ADRA1B: variants seen among roughly 807,000 people sequenced by gnomAD.
ADRA1B encodes adrenoceptor alpha 1B, also known as alpha-1B adrenergic receptor.
In ADRA1B, 17 loss-of-function variants were observed where a neutral mutation model predicts 17.9. That is an observed-to-expected ratio of 0.95 (90% CI 0.65 to 1.42). The LOEUF (loss-of-function observed/expected upper bound fraction) is 1.42. Among genes scored for constraint, ADRA1B ranks in the 40% most tolerant of loss-of-function variants. The pLI is 0.00. For missense variants in ADRA1B, 681 were observed against 722.1 expected, an observed-to-expected ratio of 0.94 and a Z score of 0.65; for synonymous variants, 366 against 327.6, an observed-to-expected ratio of 1.12 and a Z score of -1.27.
intron 1 of ADRA1B, among the ~76,000 whole-genome samples, chr5:159,890,614 G>A (rs1753972494): frequency 6.6e-6 from 1 of 152,152 alleles, no homozygotes. Context: ...CTCTTGGCTG[G>A]GGGCCTAGCA....
intron 1 of ADRA1B, among the ~76,000 whole-genome samples, chr5:159,954,656 A>G (rs77880832): frequency 0.028 from 4,293 of 152,226 alleles, 197 homozygotes; most frequent in African/African-American, 0.097. Context: ...CCTGCCCTAC[A>G]ACAGGAATCG....
chr5:159,911,822 G>A (rs954536267), upstream of ADRA1B, among the ~76,000 whole-genome samples: 4 of 151,862 alleles, frequency 2.6e-5, no homozygotes, highest in African/African-American at 9.7e-5. Context: ...ATTCTTCTTC[G>A]AGTCCCCACA....
chr5:159,929,975 T>G (rs1445754150), intron 1 of ADRA1B, among the ~76,000 whole-genome samples: 1 of 152,206 alleles, frequency 6.6e-6, no homozygotes, highest in Non-Finnish European at 1.5e-5. Context: ...CGTGGTGTCA[T>G]TTTAGAAACA....
intron 1 of ADRA1B, among the ~76,000 whole-genome samples, chr5:159,959,501 C>T (rs1755624669): frequency 6.6e-6 from 1 of 152,130 alleles, no homozygotes; most frequent in South Asian, 2.1e-4. Flanking sequence ...AAGACAAACC[C>T]TTAAATAAGT....
chr5:159,923,656 T>C (rs1754554604), intron 1 of ADRA1B, among the ~76,000 whole-genome samples: 1 of 152,254 alleles, frequency 6.6e-6, no homozygotes, highest in Non-Finnish European at 1.5e-5. Flanking sequence ...ATAAGTCAAG[T>C]AGACAGAATG....
At position 159,926,394 on chromosome 5, in the gene ADRA1B, G is replaced by T. The variant is rs140329962; in HGVS notation, c.949+8540G>T. On this transcript the variant is annotated intron_variant, in intron 1 of 1. Transcript: ENST00000306675. ...AATATGGATGTGCACAACTTTTGCAGCACTGCCAGGCTGCAAACCTTTGCA... is the reference window on the plus strand; with the variant it reads ...AATATGGATGTGCACAACTTTTGCATCACTGCCAGGCTGCAAACCTTTGCA... 3.3e-3 allele frequency among the ~76,000 whole-genome samples: 495 copies of T among 152,214 alleles called. 3 individuals carry two copies. Among genetic ancestry groups the T allele is most frequent in the African/African-American group, 0.012 (483 of 41,540 alleles).
intron 1 of ADRA1B, among the ~76,000 whole-genome samples, chr5:159,886,311 C>T (rs948441375): frequency 6.6e-6 from 1 of 152,166 alleles, no homozygotes; most frequent in Non-Finnish European, 1.5e-5. Flanking sequence ...TTCTTCATTT[C>T]TGCCTTTTCA....
At position 159,884,167 on chromosome 5, in the gene ADRA1B, T is replaced by G. The variant is rs147930244; in HGVS notation, c.-256+18961T>G. Among the ~76,000 whole-genome samples, 53 of 152,354 alleles carry G rather than the reference T, an allele frequency of 3.5e-4. No individual in the cohort carries two copies. The East Asian group carries it at 0.01, about 29-fold the overall frequency. ...CTTAAGCTATGCTTCAGGATTGGGATGCAAAAAATAATTGATTGTCCCATG... is the reference window on the plus strand; with the variant it reads ...CTTAAGCTATGCTTCAGGATTGGGAGGCAAAAAATAATTGATTGTCCCATG... On this transcript the variant is annotated intron_variant, in intron 1 of 2. Transcript: ENST00000641205.
chr5:159,935,351 G>T (rs114440989), intron 1 of ADRA1B, among the ~76,000 whole-genome samples: 1 of 152,072 alleles, frequency 6.6e-6, no homozygotes, highest in African/African-American at 2.4e-5. Context: ...ATTCCAAAAA[G>T]TACAAAAGTA....
At chr5:159,968,379 GA>G (rs1755811962) in intron 1 of ADRA1B, among the ~76,000 whole-genome samples, 1 of 152,188 alleles carries the variant, frequency 6.6e-6, no homozygotes, top group African/African-American at 2.4e-5. Flanking sequence ...ACCTTTAAAA[GA>G]GCCAGTTTCT....
intron 1 of ADRA1B, among the ~76,000 whole-genome samples, chr5:159,879,329 A>G (rs1015694559): frequency 3.3e-5 from 5 of 152,262 alleles, no homozygotes; most frequent in African/African-American, 1.2e-4. Flanking sequence ...CTCTGGAGTG[A>G]CACAGCGCTT....
chr5:159,866,551 C>T (rs1264921213), intron 1 of ADRA1B, among the ~76,000 whole-genome samples: 2 of 148,978 alleles, frequency 1.3e-5, no homozygotes, highest in Non-Finnish European at 3.0e-5. Flanking sequence ...CGCGCCACTG[C>T]ATTACAGCCT....
intron 1 of ADRA1B, among the ~76,000 whole-genome samples, chr5:159,964,707 C>G (rs1028846852): frequency 6.6e-6 from 1 of 152,134 alleles, no homozygotes; most frequent in Non-Finnish European, 1.5e-5. Flanking sequence ...TCAGGAACCA[C>G]GTGGAGACCA....
At chr5:159,957,851 C>G (rs540213166) in intron 1 of ADRA1B, among the ~76,000 whole-genome samples, 2 of 148,292 alleles carry the variant, frequency 1.3e-5, no homozygotes, top group South Asian at 4.2e-4. Flanking sequence ...ATCACTTGAA[C>G]CCGGGAGGTG....
At chr5:159,907,463 G>T (rs1404970900) in intron 1 of ADRA1B, among the ~76,000 whole-genome samples, 6 of 151,570 alleles carry the variant, frequency 4.0e-5, no homozygotes, top group Non-Finnish European at 8.8e-5. Context: ...TTGTATTGTT[G>T]TTCTTTTACC....
intron 1 of ADRA1B, among the ~76,000 whole-genome samples, chr5:159,956,978 T>C (rs1382256500): frequency 6.6e-6 from 1 of 152,082 alleles, no homozygotes; most frequent in East Asian, 1.9e-4. Context: ...GTTCAAGCAA[T>C]TCTCCTGCTT....
chr5:159,885,322 C>T (rs1407727590), intron 1 of ADRA1B, among the ~76,000 whole-genome samples: 2 of 152,166 alleles, frequency 1.3e-5, no homozygotes, highest in Non-Finnish European at 2.9e-5. Context: ...ATCAACTTCC[C>T]TCCATGTAGC....
At chr5:159,935,176 TTGTC>T (rs1203671818) in intron 1 of ADRA1B, among the ~76,000 whole-genome samples, 1 of 152,052 alleles carries the variant, frequency 6.6e-6, no homozygotes, top group East Asian at 1.9e-4. Flanking sequence ...GTCGGGAAAA[TTGTC>T]TGTTAAAAAA....
intron 1 of ADRA1B, among the ~76,000 whole-genome samples, chr5:159,927,106 C>T (rs1754676784): frequency 6.6e-6 from 1 of 152,068 alleles, no homozygotes; most frequent in African/African-American, 2.4e-5. Context: ...AAGGTAGGAT[C>T]TTGAAAATGG....
Sources: gnomAD v4.1 joint callset for allele counts (sites outside exome capture counted in the v4.1 genomes callset) on GRCh38, gnomAD v4.1.1 for gene constraint, MANE v1.5 for transcripts, NCBI Gene and HGNC (gene_info 2026-07-23, HGNC 2026-07-21) for gene names.